MIR17HG: variants seen among roughly 807,000 people sequenced by gnomAD.
MIR17HG encodes the protein miR-17-92a-1 cluster host gene, also known as MIR17 host gene (non-protein coding).
chr13:91,350,991 G>T (rs1160464213), intron 3 of MIR17HG: 1 of 529,116 alleles, frequency 1.9e-6, no homozygotes, highest in South Asian at 1.4e-5. Flanking sequence ...TCAAATGAAT[G>T]ATTTTTACTA....
rs1875056261 is a variant in MIR17HG, at chr13:91,348,125, G to A, written n.140+166G>A. On this transcript the variant is annotated intron_variant and non_coding_transcript_variant, in intron 1 of 3. Coordinates refer to ENST00000400282, the Ensembl canonical transcript of MIR17HG. ...TTGGCCGCCCCGGCGTGTGGCAGCC[G>A]CATCTGGCTGCCCCCTCGCTCGCCC... Among the ~76,000 whole-genome samples the A allele has an allele frequency of 2.4e-5, 3 of 123,658 alleles. No homozygotes were observed. In the Admixed American group the frequency reaches 2.8e-4, roughly 11 times the overall value. 81.1% of individuals were successfully genotyped at this position (123,658 alleles called of 152,430 possible). A position where few individuals can be genotyped will look rare whatever the true frequency, so the allele number is the denominator to read the frequency against.
chr13:91,349,316 T>C (rs1875158934), intron 1 of MIR17HG, among the ~76,000 whole-genome samples: 2 of 151,912 alleles, frequency 1.3e-5, no homozygotes, highest in South Asian at 4.1e-4. Flanking sequence ...AACAACTCTT[T>C]ATCCCGGCTT....
chr13:91,350,141 A>G (rs1875221998), intron 2 of MIR17HG: 1 of 171,940 alleles, frequency 5.8e-6, no homozygotes, highest in Non-Finnish European at 1.3e-5. Flanking sequence ...TAATTTTGTT[A>G]ATCATTTCAA....
At chr13:91,351,677 A>G (rs1004503229) in intron 3 of MIR17HG, 3 of 230,106 alleles carry the variant, frequency 1.3e-5, no homozygotes, top group South Asian at 5.8e-5. Context: ...AAGTTAGAGT[A>G]TATCTTTTTG....
intron 3 of MIR17HG, chr13:91,352,509 C>T (rs1026438012): frequency 2.6e-5 from 4 of 152,134 alleles, no homozygotes; most frequent in African/African-American, 4.8e-5. Context: ...CTAGGTTAGA[C>T]CACCCAATAA....
rs574620752 is a variant in MIR17HG at position 91,349,820 on chromosome 13, T to C, written n.213+50T>C. 24 of 152,344 alleles carry C rather than the reference T, an allele frequency of 1.6e-4. No homozygotes were observed. In the South Asian group the frequency reaches 4.1e-3, roughly 26 times the overall value. The allele number at this position is 152,344 out of a possible 1,614,324, so 9.4% of individuals were successfully genotyped here. A position where few individuals can be genotyped will look rare whatever the true frequency, so the allele number is the denominator to read the frequency against. The stretch of plus-strand genomic sequence containing the variant: ...ACTTTTCTTAAAAACAAATTTTTCT[T>C]GCTATTAAAGTTGAATAAATAGGAT... On this transcript the variant is annotated intron_variant and non_coding_transcript_variant, in intron 2 of 3. Transcript: ENST00000400282.
chr13:91,351,507 A>G lies in MIR17HG; in HGVS notation n.284+1281A>G, dbSNP rs1341367489. 4 of 394,032 alleles carry G rather than the reference A, an allele frequency of 1.0e-5. No individual in the cohort carries two copies. In the Admixed American group the frequency reaches 1.1e-4, roughly 11 times the overall value. 24.4% of individuals were successfully genotyped at this position (394,032 alleles called of 1,614,324 possible). ...AGAAAATGTGTAACTTTTTGTGTAAATACATCTTGTCTTGTTTTCATTCAA... is the reference window on the plus strand; with the variant it reads ...AGAAAATGTGTAACTTTTTGTGTAAGTACATCTTGTCTTGTTTTCATTCAA... On this transcript the variant is annotated intron_variant and non_coding_transcript_variant, in intron 3 of 3. Transcript: ENST00000400282.
intron 3 of MIR17HG, chr13:91,350,517 A>G: frequency 1.9e-6 from 1 of 524,098 alleles, no homozygotes; most frequent in South Asian, 1.4e-5. Context: ...TATAGTTGTT[A>G]GAGTTTGAGG....
chr13:91,354,353 T>C (rs1384339962), exon 4 of MIR17HG: 2 of 152,196 alleles, frequency 1.3e-5, no homozygotes, highest in Non-Finnish European at 2.9e-5. Flanking sequence ...ATGCACATAT[T>C]CCATGAATTT....
intron 3 of MIR17HG, among the ~76,000 whole-genome samples, chr13:91,353,685 T>A (rs1419960805): frequency 6.6e-6 from 1 of 152,178 alleles, no homozygotes; most frequent in Non-Finnish European, 1.5e-5. Flanking sequence ...GTTCTTAAAA[T>A]GCTTTAACCT....
chr13:91,348,455 G>A (rs1025521087), intron 1 of MIR17HG, among the ~76,000 whole-genome samples: 1 of 151,066 alleles, frequency 6.6e-6, no homozygotes, highest in African/African-American at 2.4e-5. Context: ...GGGCCGGGAG[G>A]GGGCGCGCCC....
At position 91,354,502 on chromosome 13, in the gene MIR17HG, TAAATA is replaced by T. The variant is rs1258501537; in HGVS notation, n.860_864del. 17 of 152,292 alleles carry T rather than the reference TAAATA, an allele frequency of 1.1e-4. No individual in the cohort carries two copies. In the South Asian group the frequency reaches 1.7e-3, roughly 15 times the overall value. 9.4% of individuals were successfully genotyped at this position (152,292 alleles called of 1,614,324 possible). On this transcript the variant is annotated non_coding_transcript_exon_variant, in exon 4 of 4. Coordinates refer to ENST00000400282, the Ensembl canonical transcript of MIR17HG. Reference sequence around the variant, plus strand: ...TGAGTTCTAGCGCATTTAATGTTAATAAATAAAATACTGCATTTTAAAGCTGTTAA... The same window carrying T: ...TGAGTTCTAGCGCATTTAATGTTAATAAATACTGCATTTTAAAGCTGTTAA...
At chr13:91,352,268 G>T (rs758994282) in intron 3 of MIR17HG, 1 of 152,132 alleles carries the variant, frequency 6.6e-6, no homozygotes, top group African/African-American at 2.4e-5. Context: ...GTTTTACCCA[G>T]CATTTCTGCC....
At chr13:91,348,296 G>C (rs559179670) in intron 1 of MIR17HG, among the ~76,000 whole-genome samples, 153 of 150,490 alleles carry the variant, frequency 1.0e-3, no homozygotes, top group African/African-American at 3.6e-3. Context: ...GGCCCCTCGG[G>C]GAGAGGACGT....
At chr13:91,352,545 T>C (rs757631821) in intron 3 of MIR17HG, 3 of 152,210 alleles carry the variant, frequency 2.0e-5, no homozygotes, top group Non-Finnish European at 4.4e-5. Flanking sequence ...TTTAAAAATA[T>C]TGTCTGAAGT....
chr13:91,351,449 A>T, intron 3 of MIR17HG: 1 of 497,946 alleles, frequency 2.0e-6, no homozygotes, highest in South Asian at 1.4e-5. Flanking sequence ...TTCGACTTCC[A>T]CTGTTAAATG....
intron 1 of MIR17HG, among the ~76,000 whole-genome samples, chr13:91,348,328 G>C (rs1875073506): frequency 6.7e-6 from 1 of 150,202 alleles, no homozygotes; most frequent in Admixed American, 6.6e-5. Context: ...GCCTTCTCCG[G>C]GGCCCGGGGC....
intron 1 of MIR17HG, among the ~76,000 whole-genome samples, chr13:91,348,533 C>T (rs915399980): frequency 6.6e-6 from 1 of 151,278 alleles, no homozygotes; most frequent in Non-Finnish European, 1.5e-5. Flanking sequence ...AAACTTTGTA[C>T]GCGCGAGGGT....
At chr13:91,351,347 G>A (rs370270260) in intron 3 of MIR17HG, 1 of 531,326 alleles carries the variant, frequency 1.9e-6, no homozygotes, top group African/African-American at 1.9e-5. Flanking sequence ...TTGCAATGCT[G>A]TGTTTCTGTA....
Sources: allele counts gnomAD v4.1 joint callset (sites outside exome capture counted in the v4.1 genomes callset), GRCh38; gene constraint gnomAD v4.1.1; transcripts MANE v1.5; gene names NCBI Gene and HGNC (gene_info 2026-07-23, HGNC 2026-07-21).